The following COL4A1 variants were observed in gnomAD, a reference collection of about 807,000 sequenced individuals.
COL4A1 encodes collagen alpha-1(IV) chain.
Under a neutral mutation model 216.6 loss-of-function variants are expected in COL4A1, and 40 were observed. That is an observed-to-expected ratio of 0.18 (90% CI 0.14 to 0.24). COL4A1 has a LOEUF of 0.24. COL4A1 is among the 10% of genes least tolerant of loss of function. The pLI is 1.00. For synonymous variants in COL4A1, 839 were observed against 810.7 expected, an observed-to-expected ratio of 1.03 and a Z score of -0.59; for missense variants, 1,628 against 2,196.8, an observed-to-expected ratio of 0.74 and a Z score of 5.18.
At chr13:110,249,803 T>C (rs1214982052) in intron 1 of COL4A1, among the ~76,000 whole-genome samples, 1 of 152,128 alleles carries the variant, frequency 6.6e-6, no homozygotes, top group Non-Finnish European at 1.5e-5. Flanking sequence ...AACAGTAAAA[T>C]ATAGGCCAAA....
intron 26 of COL4A1, 63 bp from the exon 27 acceptor site, chr13:110,183,339 G>C (rs1045389054): frequency 6.6e-7 from 1 of 1,511,328 alleles, no homozygotes; most frequent in African/African-American, 1.4e-5. Flanking sequence ...AACACAGGGA[G>C]GACACGCAGT....
intron 1 of COL4A1, among the ~76,000 whole-genome samples, chr13:110,261,125 C>T (rs1882807809): frequency 2.0e-5 from 3 of 151,154 alleles, no homozygotes; most frequent in Non-Finnish European, 4.4e-5. Context: ...GATTTGTTCA[C>T]CAATTCCATG....
Position 110,287,901 on chromosome 13 carries a change from A to T in COL4A1, c.84+19043T>A, listed in dbSNP as rs560662321. ...GGTGGCAATGCCACCAATAGGGAGT[A>T]TCTCATCAATTGTCTTTGGTGAGGA... On this transcript the variant is annotated intron_variant, in intron 1 of 51. Transcript: ENST00000375820. Among the ~76,000 whole-genome samples, 67 of 152,308 alleles carry T rather than the reference A, an allele frequency of 4.4e-4. 2 individuals carry two copies. The South Asian group carries it at 0.014, about 31-fold the overall frequency.
At chr13:110,244,930 A>G (rs1180322451) in intron 1 of COL4A1, among the ~76,000 whole-genome samples, 1 of 152,216 alleles carries the variant, frequency 6.6e-6, no homozygotes, top group East Asian at 1.9e-4. Flanking sequence ...ACATCAATAA[A>G]TGCACATCTT....
At position 110,155,277 on chromosome 13, in the gene COL4A1, A is replaced by C. The variant is rs768345784; in HGVS notation, c.4755+6T>G. The C allele has an allele frequency of 6.2e-7, 1 of 1,606,870 alleles. No individual in the cohort carries two copies. The highest frequency in any genetic ancestry group is 1.3e-5 in the African/African-American group (1 of 74,814). ...CGGGAAATATGGCGTCTCCCCAGAC[A>C]CTTACCATCACAAAAGAGTAGCCGA... On this transcript the variant is annotated splice_donor_region_variant and intron_variant, in intron 50 of 51. Coordinates refer to ENST00000375820, the MANE Select transcript of COL4A1 (RefSeq NM_001845.6).
chr13:110,224,172 TC>T (rs1437540918), intron 2 of COL4A1, among the ~76,000 whole-genome samples: 1 of 152,120 alleles, frequency 6.6e-6, no homozygotes, highest in Non-Finnish European at 1.5e-5. Flanking sequence ...AGCACAACCG[TC>T]TTTTTTTTTG....
Position 110,177,949 on chromosome 13 carries a change from G to A in COL4A1, c.2627-18C>T. ...CTTGGAACCTGTGGCCAAAGGAAAGGACTGTGAACATTTTCTTGCTCTGAA... is the reference window on the plus strand; with the variant it reads ...CTTGGAACCTGTGGCCAAAGGAAAGAACTGTGAACATTTTCTTGCTCTGAA... On this transcript the variant is annotated intron_variant, in intron 32 of 51. Transcript: ENST00000375820. 6.2e-7 allele frequency: 1 copy of A among 1,614,084 alleles called. No homozygotes were observed. Among genetic ancestry groups the A allele is most frequent in the Non-Finnish European group, 8.5e-7 (1 of 1,179,984 alleles).
chr13:110,216,218 G>A (rs1263782840), intron 2 of COL4A1, among the ~76,000 whole-genome samples: 1 of 152,198 alleles, frequency 6.6e-6, no homozygotes, highest in African/African-American at 2.4e-5. Context: ...CAGTGAGGAA[G>A]GAAAAACATT....
rs1011215110 is a variant in COL4A1, at chr13:110,149,025, T to C, written c.*1338A>G. The C allele has an allele frequency of 6.5e-6, 1 of 152,952 alleles. No homozygotes were observed. Among genetic ancestry groups the C allele is most frequent in the Non-Finnish European group, 1.5e-5 (1 of 68,216 alleles). The allele number at this position is 152,952 out of a possible 1,614,324, so 9.5% of individuals were successfully genotyped here. Reference sequence around the variant, plus strand: ...TGCAGTAAGTTTCTTTTAATGCGTCTGTGGCAATACTAGCAACAAATTAAT... The same window carrying C: ...TGCAGTAAGTTTCTTTTAATGCGTCCGTGGCAATACTAGCAACAAATTAAT... On this transcript the variant is annotated 3_prime_UTR_variant, in exon 52 of 52. Coordinates refer to ENST00000375820, the MANE Select transcript of COL4A1 (RefSeq NM_001845.6).
chr13:110,299,283 G>A (rs1468442316), intron 1 of COL4A1, among the ~76,000 whole-genome samples: 1 of 152,128 alleles, frequency 6.6e-6, no homozygotes, highest in Non-Finnish European at 1.5e-5. Context: ...GCAGATTCTC[G>A]GCATACCCCA....
At chr13:110,237,799 A>G (rs1262090551) in intron 2 of COL4A1, among the ~76,000 whole-genome samples, 1 of 152,244 alleles carries the variant, frequency 6.6e-6, no homozygotes, top group Non-Finnish European at 1.5e-5. Flanking sequence ...TGTGACATGG[A>G]CATACACCGA....
intron 37 of COL4A1, 79 bp downstream of exon 37, chr13:110,175,139 G>T: frequency 6.4e-7 from 1 of 1,560,696 alleles, no homozygotes; most frequent in African/African-American, 1.4e-5. Flanking sequence ...AGTGTGCTGA[G>T]ATATTTGCTG....
chr13:110,227,962 C>A (rs1425351656), intron 2 of COL4A1, among the ~76,000 whole-genome samples: 1 of 152,188 alleles, frequency 6.6e-6, no homozygotes, highest in African/African-American at 2.4e-5. Context: ...CCTAAATACA[C>A]CCTCCTGGGT....
At chr13:110,233,596 T>C (rs1417190854) in intron 2 of COL4A1, among the ~76,000 whole-genome samples, 7 of 152,144 alleles carry the variant, frequency 4.6e-5, no homozygotes, top group Non-Finnish European at 1.0e-4. Context: ...TGGGAAAAGC[T>C]GTTGGCAACA....
intron 43 of COL4A1, among the ~76,000 whole-genome samples, chr13:110,168,565 G>C (rs1877451460): frequency 6.6e-6 from 1 of 152,204 alleles, no homozygotes; most frequent in Non-Finnish European, 1.5e-5. Context: ...ATAACTTACT[G>C]ATTCAGAAGT....
chr13:110,287,097 A>G (rs1332247327), intron 1 of COL4A1, among the ~76,000 whole-genome samples: 1 of 152,182 alleles, frequency 6.6e-6, no homozygotes, highest in Non-Finnish European at 1.5e-5. Flanking sequence ...AGGAAGAGGC[A>G]GGAGAGGCCC....
intron 2 of COL4A1, among the ~76,000 whole-genome samples, chr13:110,240,641 C>G (rs1411585793): frequency 6.6e-6 from 1 of 152,240 alleles, no homozygotes; most frequent in Non-Finnish European, 1.5e-5. Flanking sequence ...TTGGCGGCCC[C>G]TTTCCTTCAG....
At chr13:110,163,211 C>T (rs148035572) in intron 47 of COL4A1, among the ~76,000 whole-genome samples, 95 of 152,384 alleles carry the variant, frequency 6.2e-4, no homozygotes, top group Middle Eastern at 3.4e-3. Flanking sequence ...ACCACATGGG[C>T]CACCACTATT....
chr13:110,166,327 T>A (rs369351745), intron 44 of COL4A1, 24 bp from the exon 45 acceptor site: 1 of 1,468,466 alleles, frequency 6.8e-7, no homozygotes. Flanking sequence ...GAAAGCACTG[T>A]CTTGCACAGA....
Sources: allele counts gnomAD v4.1 joint callset (sites outside exome capture counted in the v4.1 genomes callset), GRCh38; gene constraint gnomAD v4.1.1; transcripts MANE v1.5; gene names NCBI Gene and HGNC (gene_info 2026-07-23, HGNC 2026-07-21).